Variants in JMJD1C observed in about 807,000 individuals in gnomAD.
The protein encoded by JMJD1C is jumonji domain-containing protein 1C.
Under a neutral mutation model 245.3 loss-of-function variants are expected in JMJD1C, and 31 were observed. The observed-to-expected ratio is 0.13, with a 90% CI of 0.09 to 0.17. The LOEUF is 0.17. Ranked by LOEUF, JMJD1C falls within the 10% of genes least tolerant of loss-of-function variation. JMJD1C has a pLI of 1.00. For synonymous variants in JMJD1C, 1,057 were observed against 1,017.4 expected (o/e 1.04, Z -0.74); for missense variants, 2,691 against 3,000.2 (o/e 0.90, Z 2.41).
intron 22 of JMJD1C, 26 bp downstream of exon 22, chr10:63,183,419 CAA>C (rs1393209209): frequency 6.3e-7 from 1 of 1,584,108 alleles, no homozygotes. Flanking sequence ...ACTCTTATTT[CAA>C]AGACTACTTA....
intron 1 of JMJD1C, among the ~76,000 whole-genome samples, chr10:63,388,993 C>A (rs970098329): frequency 3.3e-5 from 5 of 152,076 alleles, no homozygotes; most frequent in African/African-American, 1.2e-4. Flanking sequence ...ATGCACCAAA[C>A]AGCAGAGGAC....
chr10:63,425,275 A>T (rs1051087401), intron 1 of JMJD1C, among the ~76,000 whole-genome samples: 4 of 152,206 alleles, frequency 2.6e-5, no homozygotes, highest in Admixed American at 1.3e-4. Context: ...TTTAAAACTG[A>T]ATTTTGATAT....
intron 1 of JMJD1C, among the ~76,000 whole-genome samples, chr10:63,398,747 G>A (rs1031837074): frequency 6.6e-6 from 1 of 152,072 alleles, no homozygotes; most frequent in Admixed American, 6.5e-5. Context: ...AGGTTCGAGC[G>A]ATTCTCATGC....
At chr10:63,281,318 TTTTG>T (rs1437463182) in intron 2 of JMJD1C, among the ~76,000 whole-genome samples, 2 of 143,442 alleles carry the variant, frequency 1.4e-5, no homozygotes, top group African/African-American at 2.9e-5. Context: ...TGTTTTTTTT[TTTTG>T]TTTGTTTTTT....
At chr10:63,418,127 G>A (rs920716769) in intron 1 of JMJD1C, among the ~76,000 whole-genome samples, 53 of 152,226 alleles carry the variant, frequency 3.5e-4, no homozygotes, top group African/African-American at 1.3e-3. Flanking sequence ...CAATAATTTA[G>A]GTATGCATCA....
intron 19 of JMJD1C, 97 bp downstream of exon 19, chr10:63,186,117 CA>C: frequency 1.1e-6 from 1 of 911,716 alleles, no homozygotes; most frequent in Non-Finnish European, 1.7e-6. Flanking sequence ...CAACATAAAA[CA>C]GATGTTTCAA....
At chr10:63,466,091 C>G, upstream of JMJD1C, 1 of 198,198 alleles carries the variant, frequency 5.0e-6, no homozygotes, top group Non-Finnish European at 1.0e-5. Flanking sequence ...GAAAGTAGTG[C>G]CCGGCCCTGC....
chr10:63,239,155 AAAG>A (rs1189912956), intron 3 of JMJD1C, among the ~76,000 whole-genome samples: 1 of 152,222 alleles, frequency 6.6e-6, no homozygotes, highest in East Asian at 1.9e-4. Context: ...AGAGATCAGA[AAAG>A]AAGGTCTTTC....
chr10:63,198,455 CAA>C, intron 12 of JMJD1C, 56 bp downstream of exon 12: 1 of 1,079,440 alleles, frequency 9.3e-7, no homozygotes, highest in Non-Finnish European at 1.4e-6. Context: ...AAACATAATT[CAA>C]AGAGAAATTC....
intron 2 of JMJD1C, among the ~76,000 whole-genome samples, chr10:63,371,942 A>G (rs1946354959): frequency 6.6e-6 from 1 of 152,234 alleles, no homozygotes; most frequent in Admixed American, 6.5e-5. Context: ...AAATTCAATT[A>G]TAAATATGTA....
In JMJD1C at chr10:63,382,618, C is replaced by T. The variant is rs1947303404; in HGVS notation, c.169-2136G>A. 2.0e-5 allele frequency among the ~76,000 whole-genome samples: 3 copies of T among 152,104 alleles called. 1 individual carries two copies. Among genetic ancestry groups the T allele is most frequent in the Admixed American group, 2.0e-4 (3 of 15,270 alleles). ...CAACAGTAAAAAATCAAAAGCATTT[C>T]CTTTAAGATGGGAACAAGACAAGGA... is the stretch of plus-strand genomic sequence containing the variant. On this transcript the variant is annotated intron_variant, in intron 1 of 25. Transcript: ENST00000399262.
At chr10:63,393,533 C>T (rs1283718140) in intron 1 of JMJD1C, among the ~76,000 whole-genome samples, 2 of 152,132 alleles carry the variant, frequency 1.3e-5, no homozygotes, top group African/African-American at 4.8e-5. Context: ...AATCTCACTA[C>T]TGGGTATTTA....
intron 2 of JMJD1C, among the ~76,000 whole-genome samples, chr10:63,293,147 T>C (rs778645243): frequency 1.3e-5 from 2 of 152,188 alleles, no homozygotes; most frequent in Non-Finnish European, 2.9e-5. Context: ...TCAGAAATAA[T>C]CACTTCTACT....
chr10:63,405,754 G>A (rs965373240), intron 1 of JMJD1C, among the ~76,000 whole-genome samples: 1 of 152,176 alleles, frequency 6.6e-6, no homozygotes, highest in African/African-American at 2.4e-5. Flanking sequence ...TCCTGTGAAA[G>A]TAGTAACTCT....
chr10:63,405,092 A>G (rs562798013), intron 1 of JMJD1C, among the ~76,000 whole-genome samples: 4 of 152,350 alleles, frequency 2.6e-5, no homozygotes, highest in South Asian at 2.1e-4. Context: ...CTACCATCAT[A>G]TAACTTTTTA....
chr10:63,236,475 G>A (rs1375694904), intron 3 of JMJD1C, among the ~76,000 whole-genome samples: 1 of 152,124 alleles, frequency 6.6e-6, no homozygotes, highest in African/African-American at 2.4e-5. Flanking sequence ...AACTTTTTAT[G>A]GCAGTTCAAA....
At chr10:63,313,755 G>A (rs1939555337) in intron 2 of JMJD1C, among the ~76,000 whole-genome samples, 1 of 152,154 alleles carries the variant, frequency 6.6e-6, no homozygotes, top group Admixed American at 6.6e-5. Flanking sequence ...TTTGAGAATT[G>A]TCTATTCATG....
intron 1 of JMJD1C, among the ~76,000 whole-genome samples, chr10:63,458,067 A>AT (rs748292516): frequency 5.3e-5 from 8 of 152,336 alleles, no homozygotes; most frequent in Middle Eastern, 3.4e-3. Context: ...ACACAAAGGG[A>AT]TTTTATCCAA....
intron 1 of JMJD1C, among the ~76,000 whole-genome samples, chr10:63,389,697 C>T (rs117804818): frequency 6.6e-6 from 1 of 151,872 alleles, no homozygotes; most frequent in Non-Finnish European, 1.5e-5. Context: ...TGTATCAAAC[C>T]CTCAGACCAC....
Sources: gnomAD v4.1 joint callset for allele counts (sites outside exome capture counted in the v4.1 genomes callset) on GRCh38, gnomAD v4.1.1 for gene constraint, MANE v1.5 for transcripts, NCBI Gene and HGNC (gene_info 2026-07-23, HGNC 2026-07-21) for gene names.